The following C1orf87 variants were observed in gnomAD, a reference collection of about 807,000 sequenced individuals.
C1orf87 encodes uncharacterized protein C1orf87.
C1orf87 carries 58 observed loss-of-function variants against 60.5 expected under a neutral mutation model. The observed-to-expected ratio is 0.96, with a 90% CI of 0.78 to 1.19. C1orf87 has a LOEUF of 1.19. Ranked by LOEUF, C1orf87 falls within the 50% of genes most tolerant of loss-of-function variation. The pLI is 0.00. For missense variants in C1orf87, 673 were observed against 638.6 expected, an observed-to-expected ratio of 1.05 and a Z score of -0.58; for synonymous variants, 236 against 227.4, an observed-to-expected ratio of 1.04 and a Z score of -0.34.
At chr1:60,009,069 A>C (rs1039505264) in intron 9 of C1orf87, among the ~76,000 whole-genome samples, 1 of 152,086 alleles carries the variant, frequency 6.6e-6, no homozygotes, top group Admixed American at 6.6e-5. Context: ...TTCAAGTCCT[A>C]ATCACTGGTA....
intron 7 of C1orf87, among the ~76,000 whole-genome samples, chr1:60,026,315 A>G (rs577880293): frequency 2.4e-4 from 37 of 152,158 alleles, no homozygotes; most frequent in Non-Finnish European, 1.5e-4. Flanking sequence ...AGGTCCTACA[A>G]CTTCATTTAC....
chr1:60,055,466 T>A (rs1388254332), intron 2 of C1orf87, 28 bp from the exon 3 acceptor site: 7 of 1,596,760 alleles, frequency 4.4e-6, no homozygotes, highest in Non-Finnish European at 6.0e-6. Context: ...TATACTTTGT[T>A]ACTTACAGGC....
chr1:60,010,456 T>C lies in C1orf87; in HGVS notation c.1128A>G (p.Lys376=), dbSNP rs373455024. The C allele has an allele frequency of 6.2e-7, 1 of 1,612,054 alleles. No individual in the cohort carries two copies. The highest frequency in any genetic ancestry group is 1.1e-5 in the South Asian group (1 of 91,004). The change falls in exon 9 of 12, where the codon AAA becomes AAG. Residue 376 remains lysine, a splice_region_variant and synonymous_variant. Transcript: ENST00000371201. The stretch of plus-strand genomic sequence containing the variant: ...TCAGCATCTCAACAAAATTCTGCCA[T>C]CTGTGCAAGAAAAGGAAACATAAAT... ...HQDLGYQNEI[K]WQNFVEMLTR...
intron 1 of C1orf87, among the ~76,000 whole-genome samples, 165 bp downstream of exon 1, chr1:60,073,525 C>A (rs1398883043): frequency 6.6e-6 from 1 of 152,208 alleles, no homozygotes; most frequent in Non-Finnish European, 1.5e-5. Flanking sequence ...AAGTCCAATA[C>A]TAAAGACCTG....
chr1:60,043,343 AC>A (rs1453875858), intron 3 of C1orf87, among the ~76,000 whole-genome samples: 1 of 152,140 alleles, frequency 6.6e-6, no homozygotes, highest in African/African-American at 2.4e-5. Flanking sequence ...TCCCAATTAC[AC>A]TAGGATGAGG....
intron 8 of C1orf87, among the ~76,000 whole-genome samples, chr1:60,022,584 C>A (rs1645171281): frequency 6.6e-6 from 1 of 152,050 alleles, no homozygotes; most frequent in Admixed American, 6.5e-5. Flanking sequence ...GCACAAATTT[C>A]TTTTTCCTTC....
intron 2 of C1orf87, among the ~76,000 whole-genome samples, chr1:60,070,530 C>G (rs537968732): frequency 6.6e-6 from 1 of 152,062 alleles, no homozygotes; most frequent in Non-Finnish European, 1.5e-5. Flanking sequence ...CTTACCTGAG[C>G]AACAAGAAGC....
chr1:60,008,406 G>T (rs1020057118), intron 9 of C1orf87, among the ~76,000 whole-genome samples: 1 of 151,906 alleles, frequency 6.6e-6, no homozygotes, highest in African/African-American at 2.4e-5. Flanking sequence ...TATTCCATAT[G>T]CTATGGTCTT....
chr1:60,017,649 A>G (rs1370721908), intron 8 of C1orf87, among the ~76,000 whole-genome samples: 1 of 152,230 alleles, frequency 6.6e-6, no homozygotes, highest in Non-Finnish European at 1.5e-5. Flanking sequence ...AGTCACACAG[A>G]AACATTAAAT....
rs1392973791 is a variant in C1orf87, at chr1:60,008,917, G to C, written c.1192+1475C>G. 1.1e-5 allele frequency: 3 copies of C among 274,892 alleles called. No individual in the cohort carries two copies. In the Admixed American group the frequency reaches 1.5e-4, roughly 14 times the overall value. The allele number at this position is 274,892 out of a possible 1,614,324, so 17.0% of individuals were successfully genotyped here. A position where few individuals can be genotyped will look rare whatever the true frequency, so the allele number is the denominator to read the frequency against. ...TGGAGACCCTAGAACCATCTGTGTG[G>C]TGACACTAGCTACTAGATTCTGATA... On this transcript the variant is annotated intron_variant, in intron 9 of 11. Transcript: ENST00000371201.
intron 6 of C1orf87, among the ~76,000 whole-genome samples, chr1:60,036,431 G>T (rs983946675): frequency 5.3e-5 from 8 of 152,114 alleles, no homozygotes; most frequent in Non-Finnish European, 5.9e-5. Context: ...TAACCACCAT[G>T]CCACATTATT....
chr1:60,042,031 C>T (rs1004848583), intron 3 of C1orf87, among the ~76,000 whole-genome samples: 7 of 152,270 alleles, frequency 4.6e-5, no homozygotes, highest in Non-Finnish European at 1.0e-4. Context: ...CTGTGGCTTG[C>T]GCTTTTCTCT....
chr1:60,073,221 C>G (rs192858733), intron 1 of C1orf87, among the ~76,000 whole-genome samples: 1 of 152,302 alleles, frequency 6.6e-6, no homozygotes, highest in East Asian at 1.9e-4. Context: ...TCACTGATCT[C>G]TTTCTACAAC....
intron 5 of C1orf87, 109 bp downstream of exon 5, chr1:60,039,808 G>T (rs12081664): frequency 0.12 from 149,265 of 1,234,018 alleles, 9,590 homozygotes; most frequent in African/African-American, 0.19. Flanking sequence ...AGTAGTCAGG[G>T]ATAAAAGTTA....
intron 2 of C1orf87, among the ~76,000 whole-genome samples, chr1:60,065,027 TTAATATATATATTTAA>T (rs1574330716): frequency 8.8e-5 from 3 of 34,260 alleles, no homozygotes; most frequent in African/African-American, 2.5e-4. Flanking sequence ...ATATATATAT[TTAATATATATATTTAA>T]TAATATATAA....
Position 60,022,722 on chromosome 1 carries a change from G to T in C1orf87, c.1127+2679C>A, listed in dbSNP as rs553294472. Reference sequence around the variant, plus strand: ...AGAAAGTATTTTACAGTTTATCTTTGGCATATCCAAGTTGCCAGCATGACT... The same window carrying T: ...AGAAAGTATTTTACAGTTTATCTTTTGCATATCCAAGTTGCCAGCATGACT... On this transcript the variant is annotated intron_variant, in intron 8 of 11. Transcript: ENST00000371201. Among the ~76,000 whole-genome samples, 22 of 151,932 alleles carry T rather than the reference G, an allele frequency of 1.4e-4. No individual in the cohort carries two copies. The South Asian group carries it at 4.6e-3, about 32-fold the overall frequency.
At chr1:60,060,764 T>A (rs1261906866) in intron 2 of C1orf87, among the ~76,000 whole-genome samples, 1 of 151,092 alleles carries the variant, frequency 6.6e-6, no homozygotes, top group South Asian at 2.1e-4. Flanking sequence ...TAATTGTGAT[T>A]AAAAAAAAAC....
At chr1:60,027,092 A>C (rs1172929426) in intron 7 of C1orf87, among the ~76,000 whole-genome samples, 1 of 152,192 alleles carries the variant, frequency 6.6e-6, no homozygotes, top group East Asian at 1.9e-4. Flanking sequence ...AGTCACTGTT[A>C]CTATTTTTAG....
At chr1:59,994,282 T>C (rs652993) in intron 11 of C1orf87, among the ~76,000 whole-genome samples, 1 of 150,112 alleles carries the variant, frequency 6.7e-6, no homozygotes, top group Non-Finnish European at 1.5e-5. Context: ...AAAAAAAAAA[T>C]CAAGCAAAAT....
Sources: gnomAD v4.1 joint callset for allele counts (sites outside exome capture counted in the v4.1 genomes callset) on GRCh38, gnomAD v4.1.1 for gene constraint, MANE v1.5 for transcripts, NCBI Gene and HGNC (gene_info 2026-07-23, HGNC 2026-07-21) for gene names.